RBFOX1: variants seen among roughly 807,000 people sequenced by gnomAD.
The protein encoded by RBFOX1 is RNA binding protein fox-1 homolog 1.
RBFOX1 carries 8 observed loss-of-function variants against 57.7 expected under a neutral mutation model. That is an observed-to-expected ratio of 0.14 (90% CI 0.08 to 0.25). RBFOX1 has a LOEUF of 0.25. Among genes scored for constraint, RBFOX1 ranks in the 10% least tolerant of loss-of-function variants. The pLI, the probability that RBFOX1 is intolerant of heterozygous loss-of-function variation, is 1.00. For synonymous variants in RBFOX1, 326 were observed against 222.4 expected (o/e 1.47, Z -4.15); for missense variants, 611 against 548.5 (o/e 1.11, Z -1.14).
At chr16:6,486,791 C>T (rs1401764515) in intron 2 of RBFOX1, among the ~76,000 whole-genome samples, 4 of 151,352 alleles carry the variant, frequency 2.6e-5, no homozygotes, top group African/African-American at 7.3e-5. Context: ...CATTTTCATG[C>T]AGGGTTGTGT....
chr16:7,284,788 G>A (rs1232347235), intron 4 of RBFOX1, among the ~76,000 whole-genome samples: 1 of 152,164 alleles, frequency 6.6e-6, no homozygotes, highest in Non-Finnish European at 1.5e-5. Flanking sequence ...TAATAACTCT[G>A]CACAAGTTCA....
chr16:6,651,532 C>T (rs1444349680), intron 2 of RBFOX1, among the ~76,000 whole-genome samples: 2 of 152,178 alleles, frequency 1.3e-5, no homozygotes, highest in African/African-American at 2.4e-5. Flanking sequence ...CCTGTCCTCT[C>T]TTCATTATGC....
chr16:6,897,861 C>T (rs2067342970), intron 3 of RBFOX1, among the ~76,000 whole-genome samples: 1 of 152,144 alleles, frequency 6.6e-6, no homozygotes, highest in Non-Finnish European at 1.5e-5. Flanking sequence ...GCTTATCATC[C>T]ATCTGTCCCT....
intron 1 of RBFOX1, among the ~76,000 whole-genome samples, chr16:5,337,057 C>G (rs527516132): frequency 7.9e-5 from 12 of 152,294 alleles, no homozygotes; most frequent in Admixed American, 6.5e-4. Flanking sequence ...TATTTACTCT[C>G]TAAGTGGGTG....
At chr16:5,355,158 G>T (rs527658996) in intron 1 of RBFOX1, among the ~76,000 whole-genome samples, 2 of 152,314 alleles carry the variant, frequency 1.3e-5, no homozygotes, top group African/African-American at 4.8e-5. Context: ...TTGGCTTTGA[G>T]TATGTTGAAT....
intron 5 of RBFOX1, 60 bp downstream of exon 5, chr16:7,518,449 A>G (rs1465094334): frequency 4.5e-6 from 7 of 1,544,584 alleles, no homozygotes; most frequent in East Asian, 2.3e-5. Context: ...AGCCCTGGTA[A>G]TGGCAGCGGG....
In RBFOX1 at chr16:7,028,108, TTGAC is replaced by T. The variant is rs1350617526; in HGVS notation, c.-15-23946_-15-23943del. 2.6e-5 allele frequency among the ~76,000 whole-genome samples: 4 copies of T among 152,096 alleles called. No homozygotes were observed. In the East Asian group the frequency reaches 7.7e-4, roughly 29 times the overall value. The stretch of plus-strand genomic sequence containing the variant: ...TCATTTGCCTGTTACTTGGCACAGT[TTGAC>T]TGCCTAGAAGCCTGCAGAAATATTG... On this transcript the variant is annotated intron_variant, in intron 3 of 15. Transcript: ENST00000550418.
chr16:6,523,304 G>C (rs1258529566), intron 2 of RBFOX1, among the ~76,000 whole-genome samples: 2 of 152,156 alleles, frequency 1.3e-5, no homozygotes, highest in Non-Finnish European at 2.9e-5. Context: ...CTGGCAATAA[G>C]TTGATAAAGC....
At chr16:6,372,281 G>C (rs2090542916) in intron 2 of RBFOX1, among the ~76,000 whole-genome samples, 1 of 151,452 alleles carries the variant, frequency 6.6e-6, no homozygotes, top group South Asian at 2.1e-4. Flanking sequence ...TACTCGGATG[G>C]AAGGATAGTT....
intron 3 of RBFOX1, among the ~76,000 whole-genome samples, chr16:5,786,865 G>C (rs1421281751): frequency 6.6e-6 from 1 of 152,208 alleles, no homozygotes; most frequent in African/African-American, 2.4e-5. Flanking sequence ...GCCGGGCATG[G>C]CAGCTTGCGC....
intron 2 of RBFOX1, among the ~76,000 whole-genome samples, chr16:6,607,531 T>C (rs539526937): frequency 6.7e-6 from 1 of 149,294 alleles, no homozygotes; most frequent in South Asian, 2.2e-4. Context: ...ATCTATCTCC[T>C]CTCCCTCTTT....
At chr16:5,594,095 T>C (rs1019664585) in intron 2 of RBFOX1, among the ~76,000 whole-genome samples, 9 of 152,066 alleles carry the variant, frequency 5.9e-5, no homozygotes, top group African/African-American at 9.7e-5. Context: ...GGCGCCATCA[T>C]TGGGAACTCA....
At chr16:7,515,437 C>A (rs2152117237) in intron 4 of RBFOX1, among the ~76,000 whole-genome samples, 1 of 151,492 alleles carries the variant, frequency 6.6e-6, no homozygotes, top group South Asian at 2.1e-4. Flanking sequence ...TGGAAGTGTG[C>A]TAAGAGGATA....
In RBFOX1 at chr16:5,964,749, G is replaced by C. The variant is rs556739102; in HGVS notation, c.351+97414G>C. On this transcript the variant is annotated intron_variant, in intron 4 of 19. Transcript: ENST00000641259. ...ACACACAATGACTCTTAGGTTATGTGTGTGTATATGTATATATATATATAC... is the reference window on the plus strand; with the variant it reads ...ACACACAATGACTCTTAGGTTATGTCTGTGTATATGTATATATATATATAC... Among the ~76,000 whole-genome samples, 4 of 151,740 alleles carry C rather than the reference G, an allele frequency of 2.6e-5. No homozygotes were observed. In the South Asian group the frequency reaches 8.3e-4, roughly 32 times the overall value.
chr16:5,845,190 GC>G (rs1430650806), intron 3 of RBFOX1, among the ~76,000 whole-genome samples: 1 of 151,104 alleles, frequency 6.6e-6, no homozygotes. Flanking sequence ...GCAAAATTTT[GC>G]CATGGAGTCA....
chr16:5,783,536 C>A (rs528833919), intron 3 of RBFOX1, among the ~76,000 whole-genome samples: 1 of 152,148 alleles, frequency 6.6e-6, no homozygotes, highest in African/African-American at 2.4e-5. Context: ...CCAGACATCA[C>A]GTCTGTTTTC....
chr16:5,559,908 T>G (rs1437400885), intron 2 of RBFOX1, among the ~76,000 whole-genome samples: 1 of 150,794 alleles, frequency 6.6e-6, no homozygotes, highest in Non-Finnish European at 1.5e-5. Flanking sequence ...AGATCCTTTA[T>G]TCTTCCTCAC....
chr16:6,985,963 A>G (rs1360239330), intron 3 of RBFOX1, among the ~76,000 whole-genome samples: 1 of 151,370 alleles, frequency 6.6e-6, no homozygotes, highest in Non-Finnish European at 1.5e-5. Flanking sequence ...AGAATAAGGC[A>G]CTTTCCAAAC....
At chr16:7,059,585 CAA>C (rs776504107) in intron 4 of RBFOX1, among the ~76,000 whole-genome samples, 15 of 152,244 alleles carry the variant, frequency 9.9e-5, no homozygotes, top group East Asian at 1.9e-4. Context: ...ATATGAGAAA[CAA>C]GAGATGCTGT....
Sources: gnomAD v4.1 joint callset for allele counts (sites outside exome capture counted in the v4.1 genomes callset) on GRCh38, gnomAD v4.1.1 for gene constraint, MANE v1.5 for transcripts, NCBI Gene and HGNC (gene_info 2026-07-23, HGNC 2026-07-21) for gene names.